The following LRMDA variants were observed in gnomAD, a reference collection of about 807,000 sequenced individuals.
LRMDA encodes leucine rich melanocyte differentiation associated, also known as leucine-rich melanocyte differentiation-associated protein.
Under a neutral mutation model 29.8 loss-of-function variants are expected in LRMDA, and 18 were observed. That is an observed-to-expected ratio of 0.60 (90% CI 0.42 to 0.90). The LOEUF (loss-of-function observed/expected upper bound fraction) is 0.90. LRMDA is among the 40% of genes least tolerant of loss of function. The probability of loss-of-function intolerance (pLI) is 0.00; values close to 1 mark genes in which losing one functional copy is unlikely to be tolerated. For synonymous variants in LRMDA, 125 were observed against 109.4 expected (o/e 1.14, Z -0.89); for missense variants, 273 against 273.9 (o/e 1.00, Z 0.02).
chr10:75,813,406 G>C (rs1165687298), intron 2 of LRMDA, among the ~76,000 whole-genome samples: 1 of 152,230 alleles, frequency 6.6e-6, no homozygotes, highest in East Asian at 1.9e-4. Context: ...ATCAGAATCT[G>C]TTGTGAGGAA....
intron 5 of LRMDA, among the ~76,000 whole-genome samples, chr10:76,110,979 T>C (rs1298511086): frequency 1.3e-5 from 2 of 152,130 alleles, no homozygotes; most frequent in African/African-American, 4.8e-5. Flanking sequence ...CTCATCTACT[T>C]TTTAGTCCCT....
chr10:75,822,844 C>A (rs2132282983), intron 2 of LRMDA, among the ~76,000 whole-genome samples: 1 of 152,194 alleles, frequency 6.6e-6, no homozygotes, highest in South Asian at 2.1e-4. Flanking sequence ...GCCTCAGACT[C>A]CCAAGTAGTT....
chr10:75,635,172 T>C (rs1181501863), intron 2 of LRMDA, among the ~76,000 whole-genome samples: 1 of 152,188 alleles, frequency 6.6e-6, no homozygotes, highest in Non-Finnish European at 1.5e-5. Flanking sequence ...ACCTTTGCAC[T>C]ACATTTGTGT....
At chr10:76,324,322 G>T in intron 5 of LRMDA, 79 bp from the exon 6 acceptor site, 19 of 1,213,638 alleles carry the variant, frequency 1.6e-5, no homozygotes, top group Non-Finnish European at 2.3e-5. Context: ...AGATCCCAAG[G>T]AGACAGGTCT....
chr10:76,453,193 A>C (rs1225784387), intron 6 of LRMDA, among the ~76,000 whole-genome samples: 1 of 152,196 alleles, frequency 6.6e-6, no homozygotes, highest in Admixed American at 6.5e-5. Context: ...AGGACTGATC[A>C]GTGGGTTGGA....
At chr10:75,750,724 G>C (rs1159634814) in intron 2 of LRMDA, among the ~76,000 whole-genome samples, 10 of 132,100 alleles carry the variant, frequency 7.6e-5, no homozygotes, top group South Asian at 2.5e-4. Context: ...GACGGGGCGG[G>C]GGGGCAGAGG....
At chr10:76,507,185 G>A (rs1000801845) in intron 6 of LRMDA, among the ~76,000 whole-genome samples, 2 of 142,526 alleles carry the variant, frequency 1.4e-5, no homozygotes, top group Non-Finnish European at 3.1e-5. Context: ...GCAGTTCCTT[G>A]ATGATTAGCA....
intron 2 of LRMDA, among the ~76,000 whole-genome samples, chr10:75,893,384 C>CCATTG (rs1445538509): frequency 6.6e-6 from 1 of 152,152 alleles, no homozygotes; most frequent in Non-Finnish European, 1.5e-5. Context: ...ATGACATTGG[C>CCATTG]CATTGTATTT....
At chr10:75,434,524 C>T (rs186780742) in intron 1 of LRMDA, among the ~76,000 whole-genome samples, 13 of 152,288 alleles carry the variant, frequency 8.5e-5, no homozygotes, top group Admixed American at 7.8e-4. Flanking sequence ...GTGGCAGTAC[C>T]GGGAATCAGA....
chr10:75,615,564 T>G (rs1841088414), intron 2 of LRMDA, among the ~76,000 whole-genome samples: 1 of 152,198 alleles, frequency 6.6e-6, no homozygotes, highest in Admixed American at 6.5e-5. Flanking sequence ...GAAAAAATCC[T>G]TAATTACTCC....
At chr10:76,412,122 G>A (rs1462309030) in intron 6 of LRMDA, among the ~76,000 whole-genome samples, 1 of 152,168 alleles carries the variant, frequency 6.6e-6, no homozygotes, top group Non-Finnish European at 1.5e-5. Context: ...CCAGCTGGAG[G>A]CTTGGAATTA....
chr10:75,431,653 CCTGCCGCGCTCCCCGCTG>C lies in LRMDA; in HGVS notation c.-64_-47del, dbSNP rs1370087387. ...CGGAACTGTGCGCCCGCCGCGCTCC[CCTGCCGCGCTCCCCGCTG>C]CTGCCGCCGCGCCCCCGCGCTCCGT... On this transcript the variant is annotated 5_prime_UTR_variant, in exon 1 of 7. Coordinates refer to ENST00000611255, the MANE Select transcript of LRMDA (RefSeq NM_001305581.2). 1.1e-5 allele frequency: 13 copies of C among 1,213,920 alleles called. No homozygotes were observed. In the African/African-American group the frequency reaches 2.1e-4, roughly 19 times the overall value. 75.2% of individuals were successfully genotyped at this position (1,213,920 alleles called of 1,614,324 possible).
intron 2 of LRMDA, among the ~76,000 whole-genome samples, chr10:75,569,355 A>G (rs1478966562): frequency 6.6e-6 from 1 of 152,222 alleles, no homozygotes; most frequent in African/African-American, 2.4e-5. Flanking sequence ...CTAAAAAAGC[A>G]TGTAAAATTC....
At chr10:76,093,478 T>C (rs1056207823) in intron 5 of LRMDA, among the ~76,000 whole-genome samples, 1 of 152,188 alleles carries the variant, frequency 6.6e-6, no homozygotes, top group Non-Finnish European at 1.5e-5. Flanking sequence ...TTCTCCCACC[T>C]GAAAGATGAA....
At chr10:75,831,732 G>C (rs566569203) in intron 2 of LRMDA, among the ~76,000 whole-genome samples, 1 of 152,298 alleles carries the variant, frequency 6.6e-6, no homozygotes, top group African/African-American at 2.4e-5. Flanking sequence ...GGGCATCCAG[G>C]CATTTCCATA....
At chr10:75,691,485 A>G (rs1205802899) in intron 2 of LRMDA, among the ~76,000 whole-genome samples, 1 of 152,102 alleles carries the variant, frequency 6.6e-6, no homozygotes, top group Non-Finnish European at 1.5e-5. Flanking sequence ...TATTGTACAC[A>G]TAGAGGCAGC....
At chr10:76,382,419 C>T (rs756517495) in intron 6 of LRMDA, among the ~76,000 whole-genome samples, 18 of 151,920 alleles carry the variant, frequency 1.2e-4, no homozygotes, top group Admixed American at 6.6e-4. Flanking sequence ...CATCGTATTG[C>T]AAAAGAAGCA....
chr10:76,070,291 A>G (rs1848854928), intron 5 of LRMDA, among the ~76,000 whole-genome samples: 1 of 152,190 alleles, frequency 6.6e-6, no homozygotes, highest in South Asian at 2.1e-4. Flanking sequence ...TCAGCTTGGG[A>G]TACCATAACA....
chr10:76,067,219 A>G (rs1848798963), intron 5 of LRMDA, among the ~76,000 whole-genome samples: 1 of 152,142 alleles, frequency 6.6e-6, no homozygotes, highest in East Asian at 1.9e-4. Flanking sequence ...CCCTTATAGT[A>G]TTCACTGTCT....
Sources: allele counts gnomAD v4.1 joint callset (sites outside exome capture counted in the v4.1 genomes callset), GRCh38; gene constraint gnomAD v4.1.1; transcripts MANE v1.5; gene names NCBI Gene and HGNC (gene_info 2026-07-23, HGNC 2026-07-21).